SLC9A1: variants seen among roughly 807,000 people sequenced by gnomAD.
SLC9A1 encodes solute carrier family 9 member A1.
A neutral mutation model predicts 67.9 loss-of-function variants in SLC9A1; 22 were observed. The ratio of observed to expected loss-of-function variants is 0.32; its 90% CI spans 0.23 to 0.46. SLC9A1 has a LOEUF of 0.46. Ranked by LOEUF, SLC9A1 falls within the 20% of genes least tolerant of loss-of-function variation. The probability of loss-of-function intolerance (pLI) is 1.00; values close to 1 mark genes in which losing one functional copy is unlikely to be tolerated. For missense variants in SLC9A1, 686 were observed against 1,094.8 expected, an observed-to-expected ratio of 0.63 and a Z score of 5.27; for synonymous variants, 421 against 471.8, an observed-to-expected ratio of 0.89 and a Z score of 1.40.
chr1:27,139,797 GTTTT>G (rs539350944), intron 1 of SLC9A1, among the ~76,000 whole-genome samples: 103 of 133,886 alleles, frequency 7.7e-4, no homozygotes, highest in African/African-American at 2.6e-3. Flanking sequence ...CACACTCATT[GTTTT>G]TTTTTTTTTT....
chr1:27,136,553 C>T (rs1268231429), intron 1 of SLC9A1, among the ~76,000 whole-genome samples: 1 of 152,200 alleles, frequency 6.6e-6, no homozygotes, highest in East Asian at 1.9e-4. Flanking sequence ...GGACTCAGCT[C>T]CCCCAGAAGC....
chr1:27,154,488 G>A lies in SLC9A1; in HGVS notation c.-154C>T, dbSNP rs2083552987. The A allele has an allele frequency of 3.8e-6, 2 of 531,612 alleles. No homozygotes were observed. The highest frequency in any genetic ancestry group is 1.9e-5 in the African/African-American group (1 of 51,602). The allele number at this position is 531,612 out of a possible 1,614,324, so 32.9% of individuals were successfully genotyped here. A position where few individuals can be genotyped will look rare whatever the true frequency, so the allele number is the denominator to read the frequency against. ...GGCATTTCCATGGAAGCAATTTTCT[G>A]GGGGTGGAGGGAGGCTGGGTTTGCA... On this transcript the variant is annotated 5_prime_UTR_variant, in exon 1 of 12. Coordinates refer to ENST00000263980, the MANE Select transcript of SLC9A1 (RefSeq NM_003047.5).
At chr1:27,152,071 G>C (rs1429362856) in intron 1 of SLC9A1, among the ~76,000 whole-genome samples, 2 of 152,210 alleles carry the variant, frequency 1.3e-5, no homozygotes, top group Non-Finnish European at 2.9e-5. Context: ...AGGACAGAGG[G>C]AGGTAGGAAG....
At chr1:27,136,375 T>G (rs2083420516) in intron 1 of SLC9A1, among the ~76,000 whole-genome samples, 1 of 152,198 alleles carries the variant, frequency 6.6e-6, no homozygotes, top group Non-Finnish European at 1.5e-5. Context: ...TAACTAGCCC[T>G]GGCCCACAAT....
At chr1:27,147,248 T>A (rs2083492742) in intron 1 of SLC9A1, among the ~76,000 whole-genome samples, 1 of 131,362 alleles carries the variant, frequency 7.6e-6, no homozygotes, top group African/African-American at 3.0e-5. Flanking sequence ...TGCAGTGAGC[T>A]GAGATCATGC....
rs372476506 is a variant in SLC9A1 at position 27,111,720 on chromosome 1, T to C, written c.814-1943A>G. On this transcript the variant is annotated intron_variant, in intron 2 of 11. Coordinates refer to ENST00000263980, the MANE Select transcript of SLC9A1 (RefSeq NM_003047.5). ...AGCTACTTGGGAGGCTAAGAGGGGATGATCATTTGAGGAGTTTGAGGGTGC... is the reference window on the plus strand; with the variant it reads ...AGCTACTTGGGAGGCTAAGAGGGGACGATCATTTGAGGAGTTTGAGGGTGC... Among the ~76,000 whole-genome samples the C allele has an allele frequency of 1.6e-3, 251 of 152,262 alleles. 1 individual carries two copies. The highest frequency in any genetic ancestry group is 5.6e-3 in the African/African-American group (231 of 41,540).
In SLC9A1 at chr1:27,137,398, G is replaced by A. The variant is rs1290779254; in HGVS notation, c.352+16585C>T. Among the ~76,000 whole-genome samples, 1 of 152,236 alleles carries A rather than the reference G, an allele frequency of 6.6e-6. No individual in the cohort carries two copies. The highest frequency in any genetic ancestry group is 1.5e-5 in the Non-Finnish European group (1 of 68,044). ...GCCTCTGCTTCCTCTGTGAGCTGAG[G>A]GGGATGGGCCGGGCTCTGTCATCAT... On this transcript the variant is annotated intron_variant, in intron 1 of 11. Coordinates refer to ENST00000263980, the MANE Select transcript of SLC9A1 (RefSeq NM_003047.5). This position sits in a 1 kb window ranked among gnomAD's most constrained non-coding sequence, Gnocchi z 4.6.
chr1:27,151,545 A>G (rs1415830537), intron 1 of SLC9A1, among the ~76,000 whole-genome samples: 1 of 151,950 alleles, frequency 6.6e-6, no homozygotes, highest in African/African-American at 2.4e-5. Context: ...TATTTTTAGT[A>G]GAGACGGGGT....
intron 1 of SLC9A1, among the ~76,000 whole-genome samples, chr1:27,125,198 A>G (rs1018447177): frequency 7.4e-5 from 11 of 149,126 alleles, no homozygotes. Context: ...AGCAGCATCC[A>G]ATCAGTCTCT....
chr1:27,146,682 G>A (rs572034877), intron 1 of SLC9A1, among the ~76,000 whole-genome samples: 26 of 152,314 alleles, frequency 1.7e-4, no homozygotes, highest in South Asian at 1.0e-3. Flanking sequence ...AGGAGGCTGA[G>A]GTGGGGGGAT....
chr1:27,100,758 G>A lies in SLC9A1; in HGVS notation c.2111-114C>T, dbSNP rs112347271. On this transcript the variant is annotated intron_variant, in intron 11 of 11. Coordinates refer to ENST00000263980, the MANE Select transcript of SLC9A1 (RefSeq NM_003047.5). The surrounding 1 kb of genome is among the most constrained non-coding windows in gnomAD (Gnocchi z 5.6). The stretch of plus-strand genomic sequence containing the variant: ...GCCTTCTCATGAGCACAGCCGTCCC[G>A]GTCCCAACAGGCCTCAGAAGCAGGC... 2.2e-4 allele frequency: 177 copies of A among 806,434 alleles called. 6 individuals carry two copies. Among genetic ancestry groups the A allele is most frequent in the African/African-American group, 7.4e-4 (43 of 58,394 alleles). The allele number at this position is 806,434 out of a possible 1,614,324, so 50.0% of individuals were successfully genotyped here.
chr1:27,109,820 T>C lies in SLC9A1; in HGVS notation c.814-43A>G, dbSNP rs768068096. 4.4e-6 allele frequency: 7 copies of C among 1,607,856 alleles called. No homozygotes were observed. The South Asian group carries it at 5.5e-5, about 13-fold the overall frequency. ...GCTGGTGGGTGGGAGGAGAGGGCCC[T>C]GGCCCCACGGTTCCCTGGGGTCCAC... On this transcript the variant is annotated intron_variant, in intron 2 of 11. Transcript: ENST00000263980. This position sits in a 1 kb window ranked among gnomAD's most constrained non-coding sequence, Gnocchi z 5.5.
intron 1 of SLC9A1, among the ~76,000 whole-genome samples, chr1:27,117,676 A>G (rs2083280479): frequency 6.6e-6 from 1 of 152,114 alleles, no homozygotes; most frequent in African/African-American, 2.4e-5. Flanking sequence ...GGCACGCACC[A>G]TCTCATTCAG....
intron 1 of SLC9A1, among the ~76,000 whole-genome samples, chr1:27,138,996 G>A (rs2083437434): frequency 6.6e-6 from 1 of 152,064 alleles, no homozygotes; most frequent in Non-Finnish European, 1.5e-5. Flanking sequence ...GGAGTGAAGA[G>A]GCAAGCCTTT....
intron 2 of SLC9A1, among the ~76,000 whole-genome samples, chr1:27,112,195 A>AG (rs2083232846): frequency 6.6e-6 from 1 of 152,226 alleles, no homozygotes; most frequent in South Asian, 2.1e-4. Context: ...TGCTAGAGGA[A>AG]GCCAGGATGG....
chr1:27,148,799 A>AG (rs1008314175), intron 1 of SLC9A1, among the ~76,000 whole-genome samples: 18 of 152,324 alleles, frequency 1.2e-4, no homozygotes, highest in African/African-American at 3.6e-4. Context: ...GCTGCCTCTC[A>AG]GGGGACTCTG....
At position 27,154,122 on chromosome 1, in the gene SLC9A1, G is replaced by A; in HGVS notation, c.213C>T (p.Ser71=). ...CAGTGACGGAATGATTAACAGGGCG[G>A]CTCTCTGGGGTGACCTCCGGTGGAG... ...TTAPPEVTPE[S]RPVNHSVTDH... Residue 71 remains serine, a synonymous_variant, in exon 1 of 12, where the codon AGC becomes AGT. Coordinates refer to ENST00000263980, the MANE Select transcript of SLC9A1 (RefSeq NM_003047.5). 6.2e-7 allele frequency: 1 copy of A among 1,614,130 alleles called. No homozygotes were observed. The highest frequency in any genetic ancestry group is 2.2e-5 in the East Asian group (1 of 44,876).
At chr1:27,110,678 C>A (rs372075972) in intron 2 of SLC9A1, among the ~76,000 whole-genome samples, 2 of 152,348 alleles carry the variant, frequency 1.3e-5, no homozygotes, top group Middle Eastern at 3.4e-3. Context: ...TAAAACAACA[C>A]GCCAGGGGGC....
intron 1 of SLC9A1, among the ~76,000 whole-genome samples, chr1:27,119,612 A>G (rs551165221): frequency 4.1e-4 from 63 of 152,290 alleles, no homozygotes; most frequent in African/African-American, 1.5e-3. Context: ...TCTCCACCAT[A>G]GTTCTGGGAA....
Sources: allele counts gnomAD v4.1 joint callset (sites outside exome capture counted in the v4.1 genomes callset), GRCh38; gene constraint gnomAD v4.1.1; non-coding constraint Gnocchi (gnomAD v3.1); transcripts MANE v1.5; gene names NCBI Gene and HGNC (gene_info 2026-07-23, HGNC 2026-07-21).